Variants in KIDINS220 observed in about 807,000 individuals in gnomAD.
The protein encoded by KIDINS220 is kinase D-interacting substrate of 220 kDa.
In KIDINS220, 63 loss-of-function variants were observed where a neutral mutation model predicts 157.6. That is an observed-to-expected ratio of 0.40 (90% CI 0.33 to 0.49). The LOEUF is 0.49. Ranked by LOEUF, KIDINS220 falls within the 20% of genes least tolerant of loss-of-function variation. KIDINS220 has a pLI of 0.66. For synonymous variants in KIDINS220, 732 were observed against 783.6 expected (o/e 0.93, Z 1.10); for missense variants, 1,772 against 2,171.2 (o/e 0.82, Z 3.65).
At chr2:8,820,489 A>G (rs1677780979) in intron 2 of KIDINS220, among the ~76,000 whole-genome samples, 1 of 152,230 alleles carries the variant, frequency 6.6e-6, no homozygotes, top group South Asian at 2.1e-4. Flanking sequence ...TTACCAAAAT[A>G]CAACAGATGC....
chr2:8,747,825 C>T (rs1572480999), intron 25 of KIDINS220, 62 bp downstream of exon 25: 2 of 1,076,692 alleles, frequency 1.9e-6, no homozygotes, highest in African/African-American at 3.3e-5. Flanking sequence ...AATAACCAAA[C>T]CTCAAATGCT....
chr2:8,739,596 A>G (rs996741116), intron 26 of KIDINS220, among the ~76,000 whole-genome samples: 7 of 152,170 alleles, frequency 4.6e-5, no homozygotes, highest in Non-Finnish European at 8.8e-5. Context: ...CAAAAAGCAT[A>G]TTCAATAATT....
chr2:8,747,104 A>G, intron 26 of KIDINS220, 41 bp downstream of exon 26: 1 of 1,575,344 alleles, frequency 6.3e-7, no homozygotes, highest in Non-Finnish European at 8.7e-7. Flanking sequence ...GGCAGAAGCA[A>G]TGAGATGCCA....
At chr2:8,831,899 T>C (rs1034913160) in intron 1 of KIDINS220, among the ~76,000 whole-genome samples, 2 of 152,186 alleles carry the variant, frequency 1.3e-5, no homozygotes, top group African/African-American at 2.4e-5. Context: ...TATCTGAACA[T>C]AGACAAAAAC....
At chr2:8,759,325 G>A (rs1668447950) in intron 22 of KIDINS220, among the ~76,000 whole-genome samples, 1 of 152,084 alleles carries the variant, frequency 6.6e-6, no homozygotes, top group East Asian at 1.9e-4. Flanking sequence ...CATTGGCAGA[G>A]CTAAACAAAG....
chr2:8,796,975 AT>A, intron 10 of KIDINS220, 106 bp from the exon 11 acceptor site: 1 of 820,596 alleles, frequency 1.2e-6, no homozygotes, highest in Non-Finnish European at 2.1e-6. Flanking sequence ...AACAGCCTAT[AT>A]TTAAAACCCT....
chr2:8,748,574 T>A (rs893595481), intron 24 of KIDINS220, among the ~76,000 whole-genome samples: 15 of 152,170 alleles, frequency 9.9e-5, no homozygotes, highest in Non-Finnish European at 2.1e-4. Flanking sequence ...ACTGTTTATG[T>A]GAGATTTATA....
intron 28 of KIDINS220, among the ~76,000 whole-genome samples, chr2:8,733,919 A>C (rs374635545): frequency 1.3e-5 from 2 of 152,302 alleles, no homozygotes; most frequent in East Asian, 3.9e-4. Flanking sequence ...TTTGTCCATT[A>C]AATTATTACT....
intron 12 of KIDINS220, 51 bp from the exon 13 acceptor site, chr2:8,791,275 G>A (rs964147869): frequency 1.4e-6 from 2 of 1,450,012 alleles, no homozygotes; most frequent in African/African-American, 2.8e-5. Flanking sequence ...ATTACTATTA[G>A]AAATGAACAC....
At position 8,748,005 on chromosome 2, in the gene KIDINS220, G is replaced by T; in HGVS notation, c.3415-5C>A. ...AAGGTATGGGGCAAAGAATGGCTAT[G>T]GAAAAACATGTAACAAAAAAGGGGT... is the stretch of plus-strand genomic sequence containing the variant. On this transcript the variant is annotated splice_polypyrimidine_tract_variant and splice_region_variant and intron_variant, in intron 24 of 29. Transcript: ENST00000256707. 1.3e-6 allele frequency: 2 copies of T among 1,514,532 alleles called. No individual in the cohort carries two copies. The highest frequency in any genetic ancestry group is 2.2e-5 in the Admixed American group (1 of 45,054). The allele number at this position is 1,514,532 out of a possible 1,614,324, so 93.8% of individuals were successfully genotyped here.
rs61742970 is a variant in KIDINS220 at position 8,734,737 on chromosome 2, C to T, written c.3734G>A (p.Arg1245His). ...ATCAATGTTACACTGAGCTAACACA[C>T]GGCCATTTATGTTTGCCTGAGTAAA... ...TTIKKANING[R>H]VLAQCNIDEL... is the part of the protein sequence containing the mutation. Residue 1245 changes from arginine (R) to histidine (H), a missense_variant, in exon 28 of 30, where the codon CGT (arginine) becomes CAT (histidine). By Grantham distance (29) the Arg-to-His change is conservative (BLOSUM62 0). Around this residue, in one of 3 missense-constraint regions of KIDINS220, gnomAD observed 793 missense variants for 885.5 expected, o/e 0.90. Coordinates refer to ENST00000256707, the MANE Select transcript of KIDINS220 (RefSeq NM_020738.4). The T allele has an allele frequency of 3.4e-5, 54 of 1,611,078 alleles. No homozygotes were observed. Among genetic ancestry groups the T allele is most frequent in the South Asian group, 6.7e-5 (6 of 90,146 alleles).
At chr2:8,762,341 T>C (rs1169571778) in intron 22 of KIDINS220, among the ~76,000 whole-genome samples, 1 of 152,232 alleles carries the variant, frequency 6.6e-6, no homozygotes, top group Non-Finnish European at 1.5e-5. Flanking sequence ...CACATGACTT[T>C]GGAACACTTA....
chr2:8,775,224 CA>C (rs1308883637), intron 21 of KIDINS220, among the ~76,000 whole-genome samples: 5 of 152,128 alleles, frequency 3.3e-5, no homozygotes, highest in Non-Finnish European at 5.9e-5. Context: ...TATATATTGA[CA>C]CCATTAGATG....
intron 6 of KIDINS220, among the ~76,000 whole-genome samples, chr2:8,810,261 T>C (rs900663331): frequency 6.6e-6 from 1 of 152,190 alleles, no homozygotes; most frequent in Non-Finnish European, 1.5e-5. Flanking sequence ...GGCCCACTTA[T>C]CTCCCTGCTT....
chr2:8,729,206 C>T lies in KIDINS220; in HGVS notation c.*1514G>A, dbSNP rs1191957301. On this transcript the variant is annotated 3_prime_UTR_variant, in exon 30 of 30. Transcript: ENST00000256707. The stretch of plus-strand genomic sequence containing the variant: ...TGTTAAAGATCATGCAAAATAAACA[C>T]TGTATTAAAATGCTAGATTACACTC... 4.1e-6 allele frequency: 4 copies of T among 984,840 alleles called. No individual in the cohort carries two copies. Among genetic ancestry groups the T allele is most frequent in the Admixed American group, 6.1e-5 (1 of 16,262 alleles). 61.0% of individuals were successfully genotyped at this position (984,840 alleles called of 1,614,324 possible).
At chr2:8,826,273 T>C (rs1678802458) in intron 2 of KIDINS220, among the ~76,000 whole-genome samples, 1 of 152,166 alleles carries the variant, frequency 6.6e-6, no homozygotes, top group African/African-American at 2.4e-5. Context: ...TCCCAAAGTG[T>C]GTGGGACAAA....
chr2:8,741,710 G>A (rs984054079), intron 26 of KIDINS220, among the ~76,000 whole-genome samples: 1 of 152,142 alleles, frequency 6.6e-6, no homozygotes, highest in African/African-American at 2.4e-5. Context: ...TATTATTTCT[G>A]TGAAAATATC....
intron 22 of KIDINS220, among the ~76,000 whole-genome samples, 185 bp downstream of exon 22, chr2:8,770,485 A>G (rs1171766172): frequency 6.6e-6 from 1 of 152,220 alleles, no homozygotes; most frequent in African/African-American, 2.4e-5. Context: ...CATAGATTTT[A>G]CATGACAGGA....
chr2:8,811,075 GAT>G (rs1676236461), intron 6 of KIDINS220, among the ~76,000 whole-genome samples: 1 of 152,140 alleles, frequency 6.6e-6, no homozygotes, highest in Admixed American at 6.5e-5. Context: ...CCCAGATCAA[GAT>G]ATGAATGATT....
Sources: allele counts gnomAD v4.1 joint callset (sites outside exome capture counted in the v4.1 genomes callset), GRCh38; gene constraint gnomAD v4.1.1; regional missense constraint gnomAD v4.1.1; transcripts MANE v1.5; gene names NCBI Gene and HGNC (gene_info 2026-07-23, HGNC 2026-07-21).